The following AOAH variants were observed in gnomAD, a reference collection of about 807,000 sequenced individuals.
The protein encoded by AOAH is acyloxyacyl hydrolase.
A neutral mutation model predicts 92.2 loss-of-function variants in AOAH; 64 were observed. The observed-to-expected ratio is 0.69, with a 90% CI of 0.57 to 0.86. The LOEUF is 0.86. AOAH is among the 40% of genes least tolerant of loss of function. The probability of loss-of-function intolerance (pLI) is 0.00; values close to 1 mark genes in which losing one functional copy is unlikely to be tolerated. For missense variants in AOAH, 656 were observed against 694.6 expected (o/e 0.94, Z 0.62); for synonymous variants, 263 against 254.5 (o/e 1.03, Z -0.32).
At chr7:36,668,648 G>A (rs1011554685) in intron 3 of AOAH, among the ~76,000 whole-genome samples, 1 of 152,080 alleles carries the variant, frequency 6.6e-6, no homozygotes, top group Non-Finnish European at 1.5e-5. Context: ...CGCCACCCCC[G>A]GCTAATTTTT....
chr7:36,570,662 T>C (rs536643897), intron 13 of AOAH, among the ~76,000 whole-genome samples: 1 of 152,242 alleles, frequency 6.6e-6, no homozygotes, highest in African/African-American at 2.4e-5. Context: ...GTTTGTTGTC[T>C]TCTGCTTTTT....
intron 2 of AOAH, among the ~76,000 whole-genome samples, chr7:36,682,301 T>A (rs759511958): frequency 4.5e-5 from 6 of 132,234 alleles, no homozygotes; most frequent in African/African-American, 1.4e-4. Flanking sequence ...GCTGCCACAA[T>A]TTTTTTTTAA....
At chr7:36,663,889 T>A (rs1584062651) in intron 3 of AOAH, among the ~76,000 whole-genome samples, 1 of 152,190 alleles carries the variant, frequency 6.6e-6, no homozygotes, top group East Asian at 1.9e-4. Flanking sequence ...TTTTTTCAGT[T>A]TTTTTAAATT....
intron 1 of AOAH, among the ~76,000 whole-genome samples, chr7:36,709,827 A>T (rs970251284): frequency 3.3e-5 from 5 of 152,204 alleles, no homozygotes; most frequent in African/African-American, 4.8e-5. Context: ...CCATGAGAAA[A>T]AGCTTGCATA....
intron 4 of AOAH, among the ~76,000 whole-genome samples, chr7:36,648,090 C>G (rs1317541759): frequency 6.6e-6 from 1 of 152,026 alleles, no homozygotes; most frequent in Non-Finnish European, 1.5e-5. Context: ...CCTCGACCTC[C>G]CAAAGTGCTG....
chr7:36,625,710 G>C (rs1353384273), intron 6 of AOAH, among the ~76,000 whole-genome samples: 1 of 152,184 alleles, frequency 6.6e-6, no homozygotes, highest in Admixed American at 6.5e-5. Flanking sequence ...GGTGTGGGCT[G>C]TAGCCAAATT....
intron 17 of AOAH, 38 bp downstream of exon 17, chr7:36,532,248 A>G: frequency 1.2e-6 from 2 of 1,614,190 alleles, no homozygotes; most frequent in Non-Finnish European, 1.7e-6. Flanking sequence ...GGATCAGGGT[A>G]GGTAAGCGGG....
In AOAH at chr7:36,699,634, TTTG is replaced by T. The variant is rs1186552963; in HGVS notation, c.128-12843_128-12841del. On this transcript the variant is annotated intron_variant, in intron 1 of 20. Coordinates refer to ENST00000617537, the MANE Select transcript of AOAH (RefSeq NM_001637.4). The stretch of plus-strand genomic sequence containing the variant: ...ATTTGCCCATTTTTAAATTGGATTA[TTTG>T]TTTTTTTTTTTTTTTTGCTATTGAG... Among the ~76,000 whole-genome samples, 50 of 20,518 alleles carry T rather than the reference TTTG, an allele frequency of 2.4e-3. 1 individual carries two copies. The highest frequency in any genetic ancestry group is 0.015 in the South Asian group (5 of 338). The allele number at this position is 20,518 out of a possible 152,430, so 13.5% of individuals were successfully genotyped here. A position where few individuals can be genotyped will look rare whatever the true frequency, so the allele number is the denominator to read the frequency against.
At chr7:36,650,353 A>G (rs1794502424) in intron 4 of AOAH, among the ~76,000 whole-genome samples, 1 of 152,204 alleles carries the variant, frequency 6.6e-6, no homozygotes, top group Non-Finnish European at 1.5e-5. Context: ...TTAAGTTGAT[A>G]AATCAATCAG....
At chr7:36,678,644 A>C (rs1796457634) in intron 2 of AOAH, among the ~76,000 whole-genome samples, 1 of 149,672 alleles carries the variant, frequency 6.7e-6, no homozygotes, top group Non-Finnish European at 1.5e-5. Flanking sequence ...CAAGTCAAAG[A>C]GGATGGCTGC....
intron 15 of AOAH, among the ~76,000 whole-genome samples, chr7:36,541,854 C>T (rs1331056600): frequency 6.6e-6 from 1 of 152,158 alleles, no homozygotes; most frequent in Non-Finnish European, 1.5e-5. Context: ...CGGATCCTAA[C>T]CTGCATTAAC....
chr7:36,622,562 C>T (rs1035103652), intron 7 of AOAH, among the ~76,000 whole-genome samples: 12 of 149,832 alleles, frequency 8.0e-5, no homozygotes, highest in African/African-American at 2.4e-4. Flanking sequence ...CTGAATCAAA[C>T]GCACACACAC....
At chr7:36,688,511 A>C (rs1016206107) in intron 1 of AOAH, among the ~76,000 whole-genome samples, 11 of 150,094 alleles carry the variant, frequency 7.3e-5, no homozygotes, top group Non-Finnish European at 1.3e-4. Context: ...TACAACTAAA[A>C]AATAATGATA....
At chr7:36,630,073 C>T (rs1792965929) in intron 6 of AOAH, among the ~76,000 whole-genome samples, 1 of 152,186 alleles carries the variant, frequency 6.6e-6, no homozygotes, top group African/African-American at 2.4e-5. Flanking sequence ...GATGCAGCTG[C>T]AAGGCAAGGT....
intron 1 of AOAH, among the ~76,000 whole-genome samples, chr7:36,720,331 T>C (rs1799537314): frequency 7.4e-6 from 1 of 134,488 alleles, no homozygotes; most frequent in Non-Finnish European, 1.6e-5. Flanking sequence ...TGTATATCTA[T>C]ATTTACATTT....
chr7:36,521,938 G>T, intron 20 of AOAH, 101 bp downstream of exon 20: 1 of 1,033,744 alleles, frequency 9.7e-7, no homozygotes, highest in South Asian at 1.4e-5. Context: ...ATCCTTTCTG[G>T]AACAAAACAG....
At chr7:36,685,541 C>A (rs1410725094) in intron 2 of AOAH, among the ~76,000 whole-genome samples, 4 of 151,982 alleles carry the variant, frequency 2.6e-5, no homozygotes, top group African/African-American at 9.7e-5. Flanking sequence ...CAAAGAAAAA[C>A]CAAAAACATT....
intron 2 of AOAH, among the ~76,000 whole-genome samples, chr7:36,684,546 G>A (rs777823658): frequency 6.6e-6 from 1 of 152,024 alleles, no homozygotes; most frequent in Non-Finnish European, 1.5e-5. Flanking sequence ...AGAAATAATA[G>A]ATAAGAATAT....
intron 6 of AOAH, among the ~76,000 whole-genome samples, chr7:36,623,810 C>T (rs140299511): frequency 6.6e-6 from 1 of 152,284 alleles, no homozygotes; most frequent in Non-Finnish European, 1.5e-5. Flanking sequence ...AGGATTTCCC[C>T]TGTGGAATCC....
Sources: gnomAD v4.1 joint callset for allele counts (sites outside exome capture counted in the v4.1 genomes callset) on GRCh38, gnomAD v4.1.1 for gene constraint, MANE v1.5 for transcripts, NCBI Gene and HGNC (gene_info 2026-07-23, HGNC 2026-07-21) for gene names.